Variants in E2F6 observed in about 807,000 individuals in gnomAD.
E2F6 encodes transcription factor E2F6.
A neutral mutation model predicts 31.5 loss-of-function variants in E2F6; 19 were observed. The ratio of observed to expected loss-of-function variants is 0.60; its 90% CI spans 0.42 to 0.89. E2F6 has a LOEUF of 0.89. Ranked by LOEUF, E2F6 falls within the 40% of genes least tolerant of loss-of-function variation. The pLI is 0.00. For synonymous variants in E2F6, 121 were observed against 127.7 expected (o/e 0.95, Z 0.36); for missense variants, 269 against 341.6 (o/e 0.79, Z 1.67).
At position 11,445,068 on chromosome 2, in the gene E2F6, T is replaced by C. The variant is rs945768386; in HGVS notation, c.*1409A>G. ...CTGGTGCTCAGCAGAGGGACAGGAC[T>C]GGCAAAAGCCACCAGAGCTCAGAGG... On this transcript the variant is annotated 3_prime_UTR_variant, in exon 7 of 7. Transcript: ENST00000381525. 6.6e-6 allele frequency: 1 copy of C among 152,256 alleles called. No individual in the cohort carries two copies. The highest frequency in any genetic ancestry group is 2.4e-5 in the African/African-American group (1 of 41,456). 9.4% of individuals were successfully genotyped at this position (152,256 alleles called of 1,614,324 possible).
chr2:11,459,125 T>C (rs891863155), intron 1 of E2F6, among the ~76,000 whole-genome samples: 5 of 152,190 alleles, frequency 3.3e-5, no homozygotes, highest in Non-Finnish European at 7.3e-5. Context: ...CCTTATCACA[T>C]TGATTTGAAA....
rs370298922 is a variant in E2F6, at chr2:11,465,766, G to C, written c.108+6C>G. The C allele has an allele frequency of 1.9e-6, 3 of 1,586,664 alleles. No homozygotes were observed. Among genetic ancestry groups the C allele is most frequent in the Non-Finnish European group, 2.6e-6 (3 of 1,167,142 alleles). ...CCGCCCGTCCCCGTCCCGTCCCGGAGCTTACCAGCAGGCCCTCCACGTTGA... is the reference window on the plus strand; with the variant it reads ...CCGCCCGTCCCCGTCCCGTCCCGGACCTTACCAGCAGGCCCTCCACGTTGA... On this transcript the variant is annotated splice_donor_region_variant and intron_variant, in intron 1 of 6. Transcript: ENST00000381525.
chr2:11,459,996 C>G (rs1017188718), intron 1 of E2F6, among the ~76,000 whole-genome samples: 1 of 152,190 alleles, frequency 6.6e-6, no homozygotes, highest in Admixed American at 6.5e-5. Context: ...TGTGCCCTGA[C>G]AGAGTATACA....
At chr2:11,458,937 T>C (rs1451344889) in intron 1 of E2F6, among the ~76,000 whole-genome samples, 1 of 152,176 alleles carries the variant, frequency 6.6e-6, no homozygotes, top group Non-Finnish European at 1.5e-5. Context: ...GTGCTGACAA[T>C]GGTGACTTGC....
At chr2:11,452,346 G>C (rs1407986615) in intron 3 of E2F6, among the ~76,000 whole-genome samples, 3 of 152,234 alleles carry the variant, frequency 2.0e-5, no homozygotes, top group African/African-American at 7.2e-5. Context: ...GGTCACGCCT[G>C]TAATCCCAGC....
rs1280786624 is a variant in E2F6, at chr2:11,446,374, G to A, written c.*103C>T. ...CATGATGCCGCTACTGAGAACGAGA[G>A]CACTTCATGGATAATTTATTGCTCT... On this transcript the variant is annotated 3_prime_UTR_variant, in exon 7 of 7. Transcript: ENST00000381525. 7.2e-6 allele frequency: 6 copies of A among 833,610 alleles called. No homozygotes were observed. Among genetic ancestry groups the A allele is most frequent in the Non-Finnish European group, 1.2e-5 (6 of 501,344 alleles). 51.6% of individuals were successfully genotyped at this position (833,610 alleles called of 1,614,324 possible).
At chr2:11,458,694 T>C (rs1389307725) in intron 1 of E2F6, among the ~76,000 whole-genome samples, 1 of 152,234 alleles carries the variant, frequency 6.6e-6, no homozygotes, top group East Asian at 1.9e-4. Context: ...TCTTTGTTTA[T>C]ACTGGTGTTA....
chr2:11,453,005 A>G (rs1671167290), intron 3 of E2F6, among the ~76,000 whole-genome samples: 1 of 152,128 alleles, frequency 6.6e-6, no homozygotes, highest in African/African-American at 2.4e-5. Context: ...ATTTGCTGTA[A>G]CTATTTCTCC....
At chr2:11,457,782 C>T (rs10803736) in intron 1 of E2F6, among the ~76,000 whole-genome samples, 151,925 of 152,362 alleles carry the variant, frequency 1, 75,747 homozygotes, top group Middle Eastern at 1. Flanking sequence ...TTATTAAGTA[C>T]ACGTGGTTCC....
chr2:11,446,803 T>C (rs879755766), intron 6 of E2F6, among the ~76,000 whole-genome samples: 2 of 152,170 alleles, frequency 1.3e-5, no homozygotes, highest in African/African-American at 2.4e-5. Flanking sequence ...CCGTCACGAC[T>C]CCCCCAGTCT....
At chr2:11,463,995 G>T (rs1264042651) in intron 1 of E2F6, among the ~76,000 whole-genome samples, 2 of 142,870 alleles carry the variant, frequency 1.4e-5, no homozygotes, top group Non-Finnish European at 3.0e-5. Flanking sequence ...CAACATGAAG[G>T]AATGGGAAGA....
chr2:11,458,399 C>A (rs887338040), intron 1 of E2F6: 1 of 1,541,560 alleles, frequency 6.5e-7, no homozygotes, highest in Non-Finnish European at 8.8e-7. Context: ...CGGAAATGAA[C>A]AAAGGTGTGA....
intron 1 of E2F6, 56 bp downstream of exon 1, chr2:11,465,716 G>A (rs1206781243): frequency 2.6e-6 from 4 of 1,532,056 alleles, no homozygotes; most frequent in East Asian, 2.5e-5. Flanking sequence ...GGCGCGGGGA[G>A]GAGGGGGCCG....
intron 5 of E2F6, among the ~76,000 whole-genome samples, chr2:11,448,365 TAAGGA>T (rs150986123): frequency 0.012 from 1,899 of 152,348 alleles, 31 homozygotes; most frequent in African/African-American, 0.043. Context: ...GCTAAATTCT[TAAGGA>T]ACAGCCCCAG....
intron 5 of E2F6, among the ~76,000 whole-genome samples, chr2:11,448,598 A>C (rs1245995114): frequency 2.6e-5 from 4 of 152,184 alleles, no homozygotes; most frequent in Admixed American, 2.0e-4. Flanking sequence ...CTGGTACTAC[A>C]AGTGGGCTAG....
rs764844658 is a variant in E2F6 at position 11,451,844 on chromosome 2, A to G, written c.381-38T>C. 2.4e-5 allele frequency: 37 copies of G among 1,570,928 alleles called. 1 individual carries two copies. The highest frequency in any genetic ancestry group is 2.8e-5 in the Non-Finnish European group (32 of 1,154,614). On this transcript the variant is annotated intron_variant, in intron 3 of 6. Coordinates refer to ENST00000381525, the MANE Select transcript of E2F6 (RefSeq NM_198256.4). ...AAAAATGTCAGCATCAATACCAACT[A>G]GGAGATAACAAAGTAATTTCAAGTT...
chr2:11,461,792 G>A (rs1248071131), intron 1 of E2F6, among the ~76,000 whole-genome samples: 2 of 152,192 alleles, frequency 1.3e-5, no homozygotes, highest in Non-Finnish European at 1.5e-5. Context: ...CATTTATGTG[G>A]AACTCCAGCC....
chr2:11,451,687 T>C lies in E2F6; in HGVS notation c.500A>G (p.Gln167Arg). ...TTTGTCATCTGTTAACTCAAACAGC[T>C]GCTGAGCACAATCCTTAATTAACTC... is the stretch of plus-strand genomic sequence containing the variant. ...LDELIKDCAQ[Q>R]LFELTDDKEN... The change falls in exon 4 of 7, where the codon CAG becomes CGG. Residue 167 changes from glutamine to arginine, a missense_variant. Gln to Arg is a conservative substitution (Grantham distance 43). Transcript: ENST00000381525. 1 of 1,611,738 alleles carries C rather than the reference T, an allele frequency of 6.2e-7. No individual in the cohort carries two copies. Among genetic ancestry groups the C allele is most frequent in the Non-Finnish European group, 8.5e-7 (1 of 1,178,742 alleles).
chr2:11,455,573 G>T, intron 2 of E2F6: 1 of 731,446 alleles, frequency 1.4e-6, no homozygotes, highest in South Asian at 1.6e-5. Context: ...TTACAAATGA[G>T]AAATTCTAAC....
Sources: allele counts gnomAD v4.1 joint callset (sites outside exome capture counted in the v4.1 genomes callset), GRCh38; gene constraint gnomAD v4.1.1; transcripts MANE v1.5; gene names NCBI Gene and HGNC (gene_info 2026-07-23, HGNC 2026-07-21).